Variants in RSRC1 observed in about 807,000 individuals in gnomAD.
RSRC1 encodes the protein arginine and serine rich coiled-coil 1.
Under a neutral mutation model 49.1 loss-of-function variants are expected in RSRC1, and 39 were observed. The observed-to-expected ratio is 0.79, with a 90% confidence interval of 0.61 to 1.04. The LOEUF (loss-of-function observed/expected upper bound fraction) is 1.04. RSRC1 is among the 50% of genes least tolerant of loss of function. The pLI, the probability that RSRC1 is intolerant of heterozygous loss-of-function variation, is 0.00. For missense variants in RSRC1, 388 were observed against 402.4 expected (o/e 0.96, Z 0.31); for synonymous variants, 143 against 130.8 (o/e 1.09, Z -0.63).
chr3:158,531,885 T>G (rs1712419872), intron 7 of RSRC1, among the ~76,000 whole-genome samples: 1 of 151,928 alleles, frequency 6.6e-6, no homozygotes, highest in African/African-American at 2.4e-5. Context: ...TATGAGATGT[T>G]TTGTCCACAA....
chr3:158,343,666 T>TA (rs1730378993), intron 5 of RSRC1, among the ~76,000 whole-genome samples: 1 of 152,128 alleles, frequency 6.6e-6, no homozygotes, highest in Admixed American at 6.5e-5. Context: ...ACGAAGGCTA[T>TA]ACAGCTGAAA....
intron 3 of RSRC1, among the ~76,000 whole-genome samples, chr3:158,145,914 C>T (rs1717072740): frequency 6.6e-6 from 1 of 151,994 alleles, no homozygotes; most frequent in Non-Finnish European, 1.5e-5. Context: ...GGAGTTCACT[C>T]ATGTGGCTCT....
intron 4 of RSRC1, among the ~76,000 whole-genome samples, chr3:158,286,515 A>G (rs1454286048): frequency 6.6e-6 from 1 of 152,208 alleles, no homozygotes; most frequent in Non-Finnish European, 1.5e-5. Flanking sequence ...GACAAATACT[A>G]TGAAAATTTA....
intron 7 of RSRC1, among the ~76,000 whole-genome samples, chr3:158,491,824 G>A (rs1739095422): frequency 6.6e-6 from 1 of 152,132 alleles, no homozygotes; most frequent in Middle Eastern, 3.2e-3. Flanking sequence ...ATTCTGAGTG[G>A]AATGTCATTT....
chr3:158,113,616 C>G (rs996401996), intron 1 of RSRC1, among the ~76,000 whole-genome samples: 1 of 152,132 alleles, frequency 6.6e-6, no homozygotes, highest in South Asian at 2.1e-4. Flanking sequence ...ATCCACCCCC[C>G]TCAGCCTCCC....
At chr3:158,407,761 G>A (rs1266773551) in intron 6 of RSRC1, among the ~76,000 whole-genome samples, 1 of 152,140 alleles carries the variant, frequency 6.6e-6, no homozygotes, top group Non-Finnish European at 1.5e-5. Flanking sequence ...AAGTTCATTT[G>A]AAAATCCTGA....
chr3:158,328,891 T>G (rs938054578), intron 5 of RSRC1, among the ~76,000 whole-genome samples: 3 of 152,202 alleles, frequency 2.0e-5, no homozygotes, highest in South Asian at 2.1e-4. Flanking sequence ...ACGTAGATTT[T>G]GTCTTTTCAC....
chr3:158,518,442 G>A (rs1023184981), intron 7 of RSRC1, among the ~76,000 whole-genome samples: 2 of 137,290 alleles, frequency 1.5e-5, no homozygotes, highest in East Asian at 2.1e-4. Context: ...CTTCATTTTG[G>A]GTCATAGATT....
At chr3:158,316,247 G>A (rs907418423) in intron 5 of RSRC1, among the ~76,000 whole-genome samples, 2 of 151,832 alleles carry the variant, frequency 1.3e-5, no homozygotes, top group Admixed American at 6.6e-5. Flanking sequence ...TTATGCTCAC[G>A]GCTGTTGCAG....
intron 5 of RSRC1, among the ~76,000 whole-genome samples, chr3:158,343,298 A>G (rs1468099709): frequency 2.0e-5 from 3 of 152,202 alleles, no homozygotes; most frequent in Non-Finnish European, 4.4e-5. Context: ...AAGGGATCAA[A>G]CTACTTTCCA....
intron 6 of RSRC1, among the ~76,000 whole-genome samples, chr3:158,389,428 C>G (rs1733151746): frequency 6.6e-6 from 1 of 152,104 alleles, no homozygotes; most frequent in Non-Finnish European, 1.5e-5. Context: ...TAGATATTGT[C>G]AACTTTTTCT....
chr3:158,270,402 A>G (rs1725443534), intron 4 of RSRC1, among the ~76,000 whole-genome samples: 2 of 152,170 alleles, frequency 1.3e-5, no homozygotes, highest in African/African-American at 4.8e-5. Context: ...CTGTATGGGG[A>G]CTGATTCACA....
chr3:158,246,136 T>G (rs1002845924), intron 4 of RSRC1, among the ~76,000 whole-genome samples: 1 of 151,586 alleles, frequency 6.6e-6, no homozygotes, highest in Non-Finnish European at 1.5e-5. Flanking sequence ...CTCAGCAAAC[T>G]ATCGTTAAGA....
In RSRC1 at chr3:158,354,927, CT is replaced by C; in HGVS notation, c.583+23del. On this transcript the variant is annotated intron_variant, in intron 6 of 9. Transcript: ENST00000611884. ...GCTGCTGGTAAGTGTTGATAATTAA[CT>C]TTTATTAAATGAAGAAGTGACGAGT... The C allele has an allele frequency of 6.6e-7, 1 of 1,512,442 alleles. No individual in the cohort carries two copies. The highest frequency in any genetic ancestry group is 8.8e-7 in the Non-Finnish European group (1 of 1,131,448). The allele number at this position is 1,512,442 out of a possible 1,614,324, so 93.7% of individuals were successfully genotyped here.
At chr3:158,471,273 A>G (rs756256566) in intron 7 of RSRC1, among the ~76,000 whole-genome samples, 1 of 152,186 alleles carries the variant, frequency 6.6e-6, no homozygotes, top group Non-Finnish European at 1.5e-5. Context: ...AGTGATTTGG[A>G]TATCAACAAC....
intron 7 of RSRC1, among the ~76,000 whole-genome samples, chr3:158,514,005 CT>C (rs1740354900): frequency 1.3e-5 from 2 of 152,072 alleles, no homozygotes; most frequent in Non-Finnish European, 2.9e-5. Context: ...TGATTCTTCT[CT>C]TTTTTTCTTT....
rs541378254 is a variant in RSRC1 at position 158,403,580 on chromosome 3, T to C, written c.583+48672T>C. Among the ~76,000 whole-genome samples, 49 of 151,962 alleles carry C rather than the reference T, an allele frequency of 3.2e-4. No homozygotes were observed. The South Asian group carries it at 1.0e-2, about 31-fold the overall frequency. On this transcript the variant is annotated intron_variant, in intron 6 of 9. Transcript: ENST00000611884. ...TTTTATGCCTCAGGAGTTCTGTTTT[T>C]AGGAAATATACCTCAACTGAGACAT...
chr3:158,233,223 T>C (rs896496537), intron 4 of RSRC1, among the ~76,000 whole-genome samples: 4 of 152,148 alleles, frequency 2.6e-5, no homozygotes, highest in African/African-American at 7.2e-5. Context: ...CCACCACCAG[T>C]GGTTTTTTAT....
At chr3:158,111,740 A>G (rs1714423181) in intron 1 of RSRC1, among the ~76,000 whole-genome samples, 1 of 152,228 alleles carries the variant, frequency 6.6e-6, no homozygotes, top group South Asian at 2.1e-4. Context: ...CAAGAAAATT[A>G]TAGTTTGATA....
Sources: allele counts gnomAD v4.1 joint callset (sites outside exome capture counted in the v4.1 genomes callset), GRCh38; gene constraint gnomAD v4.1.1; transcripts MANE v1.5; gene names NCBI Gene and HGNC (gene_info 2026-07-23, HGNC 2026-07-21).